The following ADAM7 variants were observed in gnomAD, a reference collection of about 807,000 sequenced individuals.
ADAM7 encodes ADAM metallopeptidase domain 7.
In ADAM7, 97 loss-of-function variants were observed where a neutral mutation model predicts 102.9. The ratio of observed to expected loss-of-function variants is 0.94; its 90% CI spans 0.80 to 1.12. The LOEUF is 1.12. Among genes scored for constraint, ADAM7 ranks in the 50% most tolerant of loss-of-function variants. The probability of loss-of-function intolerance (pLI) is 0.00; values close to 1 mark genes in which losing one functional copy is unlikely to be tolerated. For missense variants in ADAM7, 991 were observed against 908.7 expected (o/e 1.09, Z -1.16); for synonymous variants, 334 against 304.4 (o/e 1.10, Z -1.01).
chr8:24,447,367 C>T (rs1437918761), intron 3 of ADAM7, 105 bp downstream of exon 3: 24 of 497,438 alleles, frequency 4.8e-5, no homozygotes, highest in Non-Finnish European at 6.7e-5. Flanking sequence ...TTTATTTGCA[C>T]GTAATCTGAA....
At chr8:24,473,429 T>C (rs1250967095) in intron 7 of ADAM7, among the ~76,000 whole-genome samples, 2 of 152,156 alleles carry the variant, frequency 1.3e-5, no homozygotes, top group East Asian at 3.8e-4. Context: ...GGCTAGCTAG[T>C]TGTGCTTTCT....
chr8:24,469,462 T>C (rs897738884), intron 7 of ADAM7, among the ~76,000 whole-genome samples: 26 of 152,186 alleles, frequency 1.7e-4, no homozygotes, highest in Middle Eastern at 3.2e-3. Flanking sequence ...CATGATATTA[T>C]ATATTTCTTC....
chr8:24,485,152 C>CCAGAAATA, intron 9 of ADAM7, 125 bp from the exon 10 acceptor site: 19 of 842,246 alleles, frequency 2.3e-5, no homozygotes. Context: ...TTCCAAAACT[C>CCAGAAATA]CAGAAATAAG....
chr8:24,464,498 C>CT (rs1406433490), intron 4 of ADAM7, among the ~76,000 whole-genome samples: 2 of 152,060 alleles, frequency 1.3e-5, no homozygotes, highest in African/African-American at 2.4e-5. Flanking sequence ...ATCCCCATTG[C>CT]TTTTTTCCAG....
Position 24,463,881 on chromosome 8 carries a change from G to T in ADAM7, c.234-1G>T. ...CACCACCTGTCTGCCCTCTTTTTCA[G>T]GGAGTTCCTAGGCTCAAATTACAGT... On this transcript the variant is annotated splice_acceptor_variant, in intron 3 of 21. Coordinates refer to ENST00000175238, the MANE Select transcript of ADAM7 (RefSeq NM_003817.4). LOFTEE classifies it high-confidence loss of function. 1 of 1,612,730 alleles carries T rather than the reference G, an allele frequency of 6.2e-7. No individual in the cohort carries two copies. The highest frequency in any genetic ancestry group is 8.5e-7 in the Non-Finnish European group (1 of 1,179,166).
intron 6 of ADAM7, among the ~76,000 whole-genome samples, chr8:24,468,371 A>AT (rs1819498097): frequency 6.6e-6 from 1 of 152,164 alleles, no homozygotes; most frequent in Non-Finnish European, 1.5e-5. Flanking sequence ...TAAACAAAGC[A>AT]TTAGGAAAAA....
At chr8:24,490,729 C>T (rs1052285402) in intron 12 of ADAM7, 70 bp from the exon 13 acceptor site, 19 of 1,458,828 alleles carry the variant, frequency 1.3e-5, no homozygotes, top group Non-Finnish European at 1.7e-5. Flanking sequence ...AGAAGCACAA[C>T]TAATTAATTC....
chr8:24,471,430 C>T (rs1819598679), intron 7 of ADAM7, among the ~76,000 whole-genome samples: 2 of 151,406 alleles, frequency 1.3e-5, no homozygotes, highest in Admixed American at 1.3e-4. Flanking sequence ...CCTACAAGCT[C>T]CATTCATGGT....
chr8:24,488,741 A>G (rs1159443984), intron 11 of ADAM7, among the ~76,000 whole-genome samples: 1 of 152,162 alleles, frequency 6.6e-6, no homozygotes, highest in Non-Finnish European at 1.5e-5. Context: ...TTTATAGAGA[A>G]CCACTTTGTG....
Position 24,501,510 on chromosome 8 carries a change from A to C in ADAM7, c.2142A>C (p.Lys714Asn). ...PPTETLGVEN[K>N]GYFGDEQQIR... is the part of the protein sequence containing the mutation. ...CAGAAACCCTGGGAGTGGAGAACAA[A>C]GGATACTTTGGTGATGAGCAGCAGA... is the stretch of plus-strand genomic sequence containing the variant. Residue 714 changes from lysine to asparagine, a missense_variant, in exon 20 of 22, where the codon AAA becomes AAC. Coordinates refer to ENST00000175238, the MANE Select transcript of ADAM7 (RefSeq NM_003817.4). The C allele has an allele frequency of 1.2e-6, 2 of 1,608,510 alleles. No individual in the cohort carries two copies. The highest frequency in any genetic ancestry group is 1.7e-6 in the Non-Finnish European group (2 of 1,178,188).
chr8:24,503,588 G>A (rs1050262350), intron 20 of ADAM7, among the ~76,000 whole-genome samples: 5 of 152,056 alleles, frequency 3.3e-5, no homozygotes, highest in South Asian at 2.1e-4. Context: ...TACGTTTACC[G>A]CAGCACTATT....
At chr8:24,470,825 T>G (rs1055308376) in intron 7 of ADAM7, among the ~76,000 whole-genome samples, 7 of 152,224 alleles carry the variant, frequency 4.6e-5, no homozygotes, top group African/African-American at 1.4e-4. Flanking sequence ...TTCACTATAT[T>G]ATACTTTTTG....
intron 16 of ADAM7, among the ~76,000 whole-genome samples, chr8:24,498,448 A>G (rs900505442): frequency 6.6e-6 from 1 of 151,492 alleles, no homozygotes; most frequent in Non-Finnish European, 1.5e-5. Context: ...TAGCTTTCAA[A>G]TTAGAGAAAA....
chr8:24,446,681 CG>C (rs1239127457), intron 2 of ADAM7, among the ~76,000 whole-genome samples: 1 of 151,364 alleles, frequency 6.6e-6, no homozygotes, highest in Non-Finnish European at 1.5e-5. Flanking sequence ...GCAAAGTAGA[CG>C]AAAAAACAGT....
intron 11 of ADAM7, among the ~76,000 whole-genome samples, chr8:24,488,300 T>A (rs1319697307): frequency 1.3e-5 from 2 of 152,120 alleles, no homozygotes; most frequent in South Asian, 2.1e-4. Context: ...CCTTCCCCAT[T>A]GTACTGTGAA....
At chr8:24,454,065 G>A (rs989624826) in intron 3 of ADAM7, among the ~76,000 whole-genome samples, 1 of 152,206 alleles carries the variant, frequency 6.6e-6, no homozygotes, top group Non-Finnish European at 1.5e-5. Flanking sequence ...CCCCTACTGG[G>A]GGGTGCCTCC....
intron 21 of ADAM7, among the ~76,000 whole-genome samples, 156 bp downstream of exon 21, chr8:24,507,691 T>G (rs1029054518): frequency 6.6e-6 from 1 of 151,840 alleles, no homozygotes; most frequent in African/African-American, 2.4e-5. Flanking sequence ...TTTGCTGATA[T>G]GCTTAAAGTT....
chr8:24,448,526 A>C (rs1217514493), intron 3 of ADAM7, among the ~76,000 whole-genome samples: 1 of 152,262 alleles, frequency 6.6e-6, no homozygotes, highest in South Asian at 2.1e-4. Context: ...AAATCTGTGA[A>C]TATTATGTGA....
At chr8:24,447,764 T>C (rs1284896895) in intron 3 of ADAM7, among the ~76,000 whole-genome samples, 1 of 152,156 alleles carries the variant, frequency 6.6e-6, no homozygotes, top group African/African-American at 2.4e-5. Context: ...TGTCTATTGT[T>C]GCCGCTGTTT....
Sources: gnomAD v4.1 joint callset for allele counts (sites outside exome capture counted in the v4.1 genomes callset) on GRCh38, gnomAD v4.1.1 for gene constraint, MANE v1.5 for transcripts, NCBI Gene and HGNC (gene_info 2026-07-23, HGNC 2026-07-21) for gene names.